The following UBE2E3 variants were observed in gnomAD, a reference collection of about 807,000 sequenced individuals.
The protein encoded by UBE2E3 is ubiquitin conjugating enzyme E2 E3, also known as ubiquitin-conjugating enzyme E2 E3.
UBE2E3 carries 5 observed loss-of-function variants against 23.6 expected under a neutral mutation model. That is an observed-to-expected ratio of 0.21 (90% CI 0.11 to 0.44). The LOEUF is 0.44. Ranked by LOEUF, UBE2E3 falls within the 20% of genes least tolerant of loss-of-function variation. UBE2E3 has a pLI of 0.99. For synonymous variants in UBE2E3, 78 were observed against 87.5 expected (o/e 0.89, Z 0.60); for missense variants, 81 against 249.8 (o/e 0.32, Z 4.55).
intron 5 of UBE2E3, 44 bp downstream of exon 5, chr2:181,060,856 GAGTGC>G: frequency 2.6e-5 from 12 of 466,196 alleles, no homozygotes; most frequent in Non-Finnish European, 3.2e-5. Flanking sequence ...CTACAAAAAC[GAGTGC>G]TTTTTTTTTT....
intron 3 of UBE2E3, among the ~76,000 whole-genome samples, chr2:181,046,942 G>A (rs1478423242): frequency 6.6e-6 from 1 of 152,064 alleles, no homozygotes; most frequent in Non-Finnish European, 1.5e-5. Flanking sequence ...ACTATTCAGA[G>A]TAGAAAGAGT....
chr2:181,056,061 T>C (rs1686979538), intron 3 of UBE2E3, among the ~76,000 whole-genome samples: 1 of 136,792 alleles, frequency 7.3e-6, no homozygotes, highest in Non-Finnish European at 1.5e-5. Flanking sequence ...GGATTCCTTA[T>C]GCCAAAGGAA....
intron 3 of UBE2E3, among the ~76,000 whole-genome samples, chr2:181,043,203 A>G (rs1406673098): frequency 6.6e-6 from 1 of 152,188 alleles, no homozygotes; most frequent in Non-Finnish European, 1.5e-5. Flanking sequence ...ACCTGAACAC[A>G]TTTTTTCATT....
In UBE2E3 at chr2:181,036,471, C is replaced by T. The variant is rs189505165; in HGVS notation, c.246-21222C>T. On this transcript the variant is annotated intron_variant, in intron 3 of 5. Coordinates refer to ENST00000410062, the MANE Select transcript of UBE2E3 (RefSeq NM_006357.4). ...AGGGGCCATTGTGTGGAGTTTGCAT[C>T]TTCTCCCGTGTCTGTGTGGGCTTTC... Among the ~76,000 whole-genome samples the T allele has an allele frequency of 3.2e-3, 484 of 152,338 alleles. 5 individuals are homozygous for T. Among genetic ancestry groups the T allele is most frequent in the Middle Eastern group, 0.031 (9 of 294 alleles).
chr2:180,984,507 A>G (rs1477058869), intron 3 of UBE2E3, among the ~76,000 whole-genome samples: 3 of 152,248 alleles, frequency 2.0e-5, no homozygotes, highest in Non-Finnish European at 4.4e-5. Context: ...ATGTAAATGC[A>G]GTAAATAAGC....
intron 3 of UBE2E3, among the ~76,000 whole-genome samples, chr2:181,049,832 C>G (rs1686772601): frequency 6.6e-6 from 1 of 151,926 alleles, no homozygotes; most frequent in Non-Finnish European, 1.5e-5. Context: ...AGCACGCACA[C>G]CCAGCCATTT....
At chr2:180,996,521 CA>C (rs1413281698) in intron 3 of UBE2E3, among the ~76,000 whole-genome samples, 2 of 152,148 alleles carry the variant, frequency 1.3e-5, no homozygotes, top group Non-Finnish European at 2.9e-5. Flanking sequence ...TGTTTCTCAT[CA>C]GGGGCATCTT....
chr2:180,989,855 C>T, intron 3 of UBE2E3: 7 of 1,534,686 alleles, frequency 4.6e-6, no homozygotes, highest in Non-Finnish European at 6.2e-6. Flanking sequence ...GTTGCTGTAA[C>T]AACAGATGGA....
At chr2:181,002,967 A>C (rs1453612624) in intron 3 of UBE2E3, among the ~76,000 whole-genome samples, 1 of 152,228 alleles carries the variant, frequency 6.6e-6, no homozygotes. Flanking sequence ...ACAAAAATGC[A>C]GGCTTCTTTT....
intron 3 of UBE2E3, among the ~76,000 whole-genome samples, chr2:180,993,463 C>T (rs2105579439): frequency 6.6e-6 from 1 of 152,276 alleles, no homozygotes; most frequent in Non-Finnish European, 1.5e-5. Flanking sequence ...ATAAAGACAT[C>T]TCTAGTCCAA....
chr2:181,029,534 T>G (rs557265723), intron 3 of UBE2E3, among the ~76,000 whole-genome samples: 32 of 152,234 alleles, frequency 2.1e-4, no homozygotes, highest in Middle Eastern at 3.4e-3. Flanking sequence ...AGTTTAATAT[T>G]TTTGATGCTT....
At chr2:181,016,307 T>C (rs1685489632) in intron 3 of UBE2E3, among the ~76,000 whole-genome samples, 1 of 152,028 alleles carries the variant, frequency 6.6e-6, no homozygotes, top group Non-Finnish European at 1.5e-5. Flanking sequence ...CTTGATCTCC[T>C]GGGTTCAAGC....
chr2:181,011,951 C>A (rs1382212190), intron 3 of UBE2E3, among the ~76,000 whole-genome samples: 1 of 152,110 alleles, frequency 6.6e-6, no homozygotes, highest in Non-Finnish European at 1.5e-5. Flanking sequence ...AAAATGGACT[C>A]CATAGAGTGT....
chr2:181,059,933 G>C (rs1326793182), intron 4 of UBE2E3, among the ~76,000 whole-genome samples: 1 of 151,396 alleles, frequency 6.6e-6, no homozygotes, highest in Non-Finnish European at 1.5e-5. Flanking sequence ...CTCCAATTAT[G>C]AATTAGCTAT....
chr2:180,990,007 A>G (rs1192642378), intron 3 of UBE2E3: 1 of 1,505,794 alleles, frequency 6.6e-7, no homozygotes, highest in Non-Finnish European at 8.9e-7. Context: ...GTAAATCTAG[A>G]GAAATAGAAA....
intron 3 of UBE2E3, among the ~76,000 whole-genome samples, chr2:181,038,094 C>T (rs1043864737): frequency 2.4e-4 from 37 of 152,296 alleles, no homozygotes; most frequent in East Asian, 9.6e-4. Flanking sequence ...ATACATCCTA[C>T]GCCTTCACTA....
rs79645831 is a variant in UBE2E3 at position 181,020,699 on chromosome 2, C to T, written c.245+36606C>T. On this transcript the variant is annotated intron_variant, in intron 3 of 5. Coordinates refer to ENST00000410062, the MANE Select transcript of UBE2E3 (RefSeq NM_006357.4). ...CCATAGTGTGGATTCAGAGGGAATG[C>T]CTAAACTAGTCTTCATATAGAGCTA... Among the ~76,000 whole-genome samples the T allele has an allele frequency of 9.9e-3, 1,507 of 152,166 alleles. 25 individuals carry two copies. The highest frequency in any genetic ancestry group is 0.052 in the South Asian group (249 of 4,820).
chr2:181,018,885 A>T (rs902062607), intron 3 of UBE2E3, among the ~76,000 whole-genome samples: 2 of 152,130 alleles, frequency 1.3e-5, no homozygotes, highest in Admixed American at 1.3e-4. Flanking sequence ...GTCAGGATAG[A>T]TCTAGGTTCC....
intron 3 of UBE2E3, among the ~76,000 whole-genome samples, chr2:181,010,239 G>A (rs1428518197): frequency 6.6e-6 from 1 of 152,104 alleles, no homozygotes. Flanking sequence ...TTTTCATTCA[G>A]ATAAATCAGT....
Sources: allele counts gnomAD v4.1 joint callset (sites outside exome capture counted in the v4.1 genomes callset), GRCh38; gene constraint gnomAD v4.1.1; transcripts MANE v1.5; gene names NCBI Gene and HGNC (gene_info 2026-07-23, HGNC 2026-07-21).